TRPC5: variants seen among roughly 807,000 people sequenced by gnomAD.
TRPC5 encodes short transient receptor potential channel 5.
Under a neutral mutation model 56.5 loss-of-function variants are expected in TRPC5, and 9 were observed. The observed-to-expected ratio is 0.16, with a 90% confidence interval of 0.10 to 0.28. The LOEUF is 0.28. TRPC5 is among the 10% of genes least tolerant of loss of function. The pLI, the probability that TRPC5 is intolerant of heterozygous loss-of-function variation, is 1.00. For missense variants in TRPC5, 469 were observed against 748.9 expected, an observed-to-expected ratio of 0.63 and a Z score of 4.36; for synonymous variants, 282 against 278.5, an observed-to-expected ratio of 1.01 and a Z score of -0.13.
intron 1 of TRPC5, among the ~76,000 whole-genome samples, chrX:112,071,394 C>T (rs1930717037): frequency 9.0e-6 from 1 of 111,679 alleles, no homozygotes; most frequent in South Asian, 3.8e-4. Context: ...ATTTTACTGA[C>T]AATGGTCATT....
intron 1 of TRPC5, among the ~76,000 whole-genome samples, chrX:112,006,623 T>C (rs1429147151): frequency 2.7e-5 from 3 of 111,294 alleles, no homozygotes; most frequent in Non-Finnish European, 5.7e-5. Flanking sequence ...TTGTTAATAG[T>C]AAAACCATCC....
At chrX:111,821,239 C>T (rs1323215990) in intron 7 of TRPC5, among the ~76,000 whole-genome samples, 2 of 111,375 alleles carry the variant, frequency 1.8e-5, no homozygotes, top group Admixed American at 9.6e-5. Context: ...ATTTTATGGG[C>T]CCAGGAGTTC....
At chrX:111,960,993 G>A (rs1461003818) in intron 1 of TRPC5, among the ~76,000 whole-genome samples, 1 of 110,147 alleles carries the variant, frequency 9.1e-6, no homozygotes, top group Non-Finnish European at 1.9e-5. Flanking sequence ...TGTATTTTTA[G>A]TGCAGACGAG....
At chrX:111,804,060 TCTACATATGG>T (rs985926809) in intron 7 of TRPC5, among the ~76,000 whole-genome samples, 13 of 112,315 alleles carry the variant, frequency 1.2e-4, no homozygotes, top group Non-Finnish European at 2.1e-4. Flanking sequence ...GTTTCAGCTT[TCTACATATGG>T]CTAGCCAGTT....
chrX:111,949,137 G>A (rs898853814), intron 2 of TRPC5, among the ~76,000 whole-genome samples: 2 of 111,963 alleles, frequency 1.8e-5, no homozygotes, highest in African/African-American at 6.5e-5. Context: ...CTAGCCACAT[G>A]TAGGAGAATG....
chrX:111,787,688 A>G (rs1945979482), intron 7 of TRPC5, among the ~76,000 whole-genome samples: 2 of 111,480 alleles, frequency 1.8e-5, no homozygotes, highest in Non-Finnish European at 3.8e-5. Flanking sequence ...AGAAGAAAAG[A>G]GAGAAGAATC....
rs748394382 is a variant in TRPC5 at position 111,771,904 on chromosome X, A to C, written c.*4409T>G. 2.7e-5 allele frequency among the ~76,000 whole-genome samples: 3 copies of C among 110,908 alleles called. No individual in the cohort carries two copies. In the South Asian group the frequency reaches 1.2e-3, roughly 43 times the overall value. On this transcript the variant is annotated 3_prime_UTR_variant, in exon 11 of 11. Coordinates refer to ENST00000262839, the MANE Select transcript of TRPC5 (RefSeq NM_012471.3). ...CAGCTCAGGAAATGTCTCATTGAAAAGTTATTCTTGCTTCCCTCTCTTCAA... is the reference window on the plus strand; with the variant it reads ...CAGCTCAGGAAATGTCTCATTGAAACGTTATTCTTGCTTCCCTCTCTTCAA...
chrX:112,025,699 G>T (rs190994503), intron 1 of TRPC5, among the ~76,000 whole-genome samples: 56 of 111,826 alleles, frequency 5.0e-4, no homozygotes, highest in African/African-American at 1.8e-3. Flanking sequence ...GAACACCAGA[G>T]TCATGTGAAT....
chrX:111,863,597 CTAT>C (rs2148590429), intron 3 of TRPC5, among the ~76,000 whole-genome samples: 1 of 111,819 alleles, frequency 8.9e-6, no homozygotes, highest in East Asian at 2.8e-4. Flanking sequence ...AACTGGAAGC[CTAT>C]TATTTCTTTT....
intron 2 of TRPC5, among the ~76,000 whole-genome samples, chrX:111,948,051 G>A (rs1240197869): frequency 1.8e-5 from 2 of 112,174 alleles, no homozygotes; most frequent in Non-Finnish European, 3.8e-5. Context: ...ACTCAGCTTT[G>A]GCCATATGCC....
chrX:111,947,161 A>G lies in TRPC5; in HGVS notation c.378+4882T>C, dbSNP rs771862348. 2.7e-5 allele frequency among the ~76,000 whole-genome samples: 3 copies of G among 111,050 alleles called. No homozygotes were observed. In the South Asian group the frequency reaches 1.2e-3, roughly 43 times the overall value. On this transcript the variant is annotated intron_variant, in intron 2 of 10. Transcript: ENST00000262839. Reference sequence around the variant, plus strand: ...CCTCCATTGATCTACTTTGTCTCAGAACTTCTGTGCTGGGAATCCTGACTT... The same window carrying G: ...CCTCCATTGATCTACTTTGTCTCAGGACTTCTGTGCTGGGAATCCTGACTT...
intron 1 of TRPC5, among the ~76,000 whole-genome samples, chrX:112,067,161 C>A (rs1009136208): frequency 3.6e-5 from 4 of 112,172 alleles, no homozygotes; most frequent in Non-Finnish European, 7.5e-5. Context: ...TGACTCTTCA[C>A]CCATTCCTGC....
At chrX:111,851,220 ATAAAC>A (rs1393951852) in intron 5 of TRPC5, among the ~76,000 whole-genome samples, 1 of 112,438 alleles carries the variant, frequency 8.9e-6, no homozygotes, top group Non-Finnish European at 1.9e-5. Flanking sequence ...GGATACAAAA[ATAAAC>A]TAAGTTGTTG....
At chrX:111,803,976 G>C (rs1352258771) in intron 7 of TRPC5, among the ~76,000 whole-genome samples, 1 of 111,893 alleles carries the variant, frequency 8.9e-6, no homozygotes, top group African/African-American at 3.3e-5. Context: ...GAGTTTTTAT[G>C]GTTTTAGGTA....
At chrX:111,944,303 T>TAAA (rs1926868124) in intron 2 of TRPC5, among the ~76,000 whole-genome samples, 2 of 61,393 alleles carry the variant, frequency 3.3e-5, no homozygotes, top group African/African-American at 2.1e-4. Flanking sequence ...TGTGTGTGTG[T>TAAA]GAGAGAGAGA....
At chrX:111,901,999 A>G in intron 3 of TRPC5, 1 of 1,155,925 alleles carries the variant, frequency 8.7e-7, no homozygotes, top group Non-Finnish European at 1.1e-6. Context: ...AAGAGACTGA[A>G]GCAGATGCAC....
At chrX:111,931,460 C>T in intron 2 of TRPC5, among the ~76,000 whole-genome samples, 1 of 112,239 alleles carries the variant, frequency 8.9e-6, no homozygotes, top group Non-Finnish European at 1.9e-5. Flanking sequence ...GAGAAAATTG[C>T]TTAAGTAAAT....
At position 112,054,894 on chromosome X, in the gene TRPC5, A is replaced by T. The variant is rs888617958; in HGVS notation, c.-22+26985T>A. ...TCCTAACTGCTGTAATGTCTCCTGT[A>T]GTTACCATAGGACAGGATATGAGGA... On this transcript the variant is annotated intron_variant, in intron 1 of 10. Coordinates refer to ENST00000262839, the MANE Select transcript of TRPC5 (RefSeq NM_012471.3). Among the ~76,000 whole-genome samples, 17 of 111,093 alleles carry T rather than the reference A, an allele frequency of 1.5e-4. No homozygotes were observed. The Admixed American group carries it at 1.5e-3, about 10-fold the overall frequency.
intron 7 of TRPC5, among the ~76,000 whole-genome samples, chrX:111,809,885 T>G (rs1292966105): frequency 2.7e-5 from 3 of 109,883 alleles, no homozygotes; most frequent in African/African-American, 1.0e-4. Flanking sequence ...TCATTTTGTT[T>G]TTTTTTTTGT....
Sources: gnomAD v4.1 joint callset for allele counts (sites outside exome capture counted in the v4.1 genomes callset) on GRCh38, gnomAD v4.1.1 for gene constraint, MANE v1.5 for transcripts, NCBI Gene and HGNC (gene_info 2026-07-23, HGNC 2026-07-21) for gene names.